Variants in LRRC1 observed in about 807,000 individuals in gnomAD.
The protein encoded by LRRC1 is leucine rich repeat containing 1, also known as leucine-rich repeat-containing protein 1.
A neutral mutation model predicts 69.9 loss-of-function variants in LRRC1; 28 were observed. The ratio of observed to expected loss-of-function variants is 0.40; its 90% CI spans 0.30 to 0.55. LRRC1 has a LOEUF of 0.55. Ranked by LOEUF, LRRC1 falls within the 20% of genes least tolerant of loss-of-function variation. The pLI is 0.47. For missense variants in LRRC1, 498 were observed against 609.0 expected, an observed-to-expected ratio of 0.82 and a Z score of 1.92; for synonymous variants, 236 against 240.2, an observed-to-expected ratio of 0.98 and a Z score of 0.16.
At chr6:53,799,968 C>T (rs1442102874) in intron 1 of LRRC1, among the ~76,000 whole-genome samples, 3 of 152,144 alleles carry the variant, frequency 2.0e-5, no homozygotes, top group East Asian at 1.9e-4. Context: ...TTATGTTGTG[C>T]GTTGCTGGTT....
chr6:53,856,336 G>T (rs76843514), intron 2 of LRRC1, among the ~76,000 whole-genome samples: 28,405 of 152,176 alleles, frequency 0.19, 2,914 homozygotes, highest in Middle Eastern at 0.33. Context: ...TAGGCCAGAA[G>T]GGTGGAAGGA....
intron 1 of LRRC1, among the ~76,000 whole-genome samples, chr6:53,823,856 G>GTA (rs1158415180): frequency 6.6e-6 from 1 of 152,156 alleles, no homozygotes; most frequent in Non-Finnish European, 1.5e-5. Context: ...ATTCCATGCT[G>GTA]TATATATACC....
chr6:53,868,932 G>A (rs1766793743), intron 2 of LRRC1, among the ~76,000 whole-genome samples: 1 of 152,052 alleles, frequency 6.6e-6, no homozygotes, highest in Non-Finnish European at 1.5e-5. Flanking sequence ...GTCCTTCTTT[G>A]TCTAGCTTCC....
Position 53,922,838 on chromosome 6 carries a change from G to A in LRRC1, c.*45G>A, listed in dbSNP as rs372849124. The A allele has an allele frequency of 1.0e-4, 166 of 1,584,230 alleles. No individual in the cohort carries two copies. The highest frequency in any genetic ancestry group is 1.4e-4 in the Non-Finnish European group (162 of 1,160,750). On this transcript the variant is annotated 3_prime_UTR_variant, in exon 14 of 14. Transcript: ENST00000370888. ...ACCTCCTGTGTCTTCCTCTGCTGTCGAGACGTTCCTGTCTGCTTCCCGGGA... is the reference window on the plus strand; with the variant it reads ...ACCTCCTGTGTCTTCCTCTGCTGTCAAGACGTTCCTGTCTGCTTCCCGGGA...
In LRRC1 at chr6:53,920,694, G is replaced by A. The variant is rs772725155; in HGVS notation, c.1349G>A (p.Arg450His). Residue 450 changes from arginine to histidine, a missense_variant, in exon 13 of 14, where the codon CGT becomes CAT. Around this residue, in one of 3 missense-constraint regions of LRRC1, gnomAD observed 162 missense variants for 162.9 expected, o/e 0.99. Coordinates refer to ENST00000370888, the MANE Select transcript of LRRC1 (RefSeq NM_018214.5). ...GTCTCTGATGAAGCCTGGAACGAGC[G>A]TGCTGTCAACAGAGTCAGTGCGATC... ...NDVSDEAWNE[R>H]AVNRVSAIRF... 1.9e-5 allele frequency: 31 copies of A among 1,613,980 alleles called. No individual in the cohort carries two copies. The highest frequency in any genetic ancestry group is 1.6e-4 in the Middle Eastern group (1 of 6,084).
At position 53,842,995 on chromosome 6, in the gene LRRC1, C is replaced by T. The variant is rs75596434; in HGVS notation, c.277+768C>T. Among the ~76,000 whole-genome samples, 30 of 152,244 alleles carry T rather than the reference C, an allele frequency of 2.0e-4. No homozygotes were observed. In the East Asian group the frequency reaches 5.2e-3, roughly 26 times the overall value. On this transcript the variant is annotated intron_variant, in intron 2 of 13. Coordinates refer to ENST00000370888, the MANE Select transcript of LRRC1 (RefSeq NM_018214.5). ...CCTTGGTTTAACCCTCAGTTTTATA[C>T]CCCTTAGAGTGCTTCCCAAATGGGC... is the stretch of plus-strand genomic sequence containing the variant.
At chr6:53,800,670 C>T (rs1764454623) in intron 1 of LRRC1, among the ~76,000 whole-genome samples, 1 of 151,272 alleles carries the variant, frequency 6.6e-6, no homozygotes, top group Non-Finnish European at 1.5e-5. Context: ...GACGGAATCT[C>T]ACTCTGTCGC....
chr6:53,920,532 C>T (rs190535221), intron 12 of LRRC1, 93 bp from the exon 13 acceptor site: 101 of 1,429,400 alleles, frequency 7.1e-5, no homozygotes, highest in African/African-American at 6.0e-4. Flanking sequence ...CCTGGTCCTC[C>T]GTATAGATTC....
intron 4 of LRRC1, among the ~76,000 whole-genome samples, chr6:53,888,446 T>C (rs1363002917): frequency 2.0e-5 from 3 of 152,192 alleles, no homozygotes; most frequent in Non-Finnish European, 2.9e-5. Context: ...TTGAAAGATT[T>C]AAAGAAGACT....
intron 1 of LRRC1, among the ~76,000 whole-genome samples, chr6:53,797,582 GT>G (rs139841641): frequency 0.013 from 2,020 of 152,234 alleles, 47 homozygotes; most frequent in African/African-American, 0.047. Flanking sequence ...AAGCGCATCT[GT>G]TTTGTTCACA....
At chr6:53,888,531 A>T (rs1457756717) in intron 4 of LRRC1, among the ~76,000 whole-genome samples, 1 of 152,338 alleles carries the variant, frequency 6.6e-6, no homozygotes, top group East Asian at 1.9e-4. Context: ...CGACAAGTCG[A>T]TCTACAGACT....
At chr6:53,835,460 C>T (rs1765586980) in intron 1 of LRRC1, among the ~76,000 whole-genome samples, 1 of 152,118 alleles carries the variant, frequency 6.6e-6, no homozygotes, top group Non-Finnish European at 1.5e-5. Context: ...AGTGATTCAC[C>T]CAGAGATATT....
rs146917621 is a variant in LRRC1 at position 53,795,305 on chromosome 6, A to G, written c.49A>G (p.Ile17Val). 6.2e-7 allele frequency: 1 copy of G among 1,613,356 alleles called. No individual in the cohort carries two copies. Among genetic ancestry groups the G allele is most frequent in the South Asian group, 1.1e-5 (1 of 91,018 alleles). Reference sequence around the variant, plus strand: ...GCGGTGCAACCGTCATGTGGAGAGCATCGACAAGCGCCACTGCTCGCTGGT... The same window carrying G: ...GCGGTGCAACCGTCATGTGGAGAGCGTCGACAAGCGCCACTGCTCGCTGGT... ...LWRCNRHVES[I>V]DKRHCSLVYV... Residue 17 changes from isoleucine (I) to valine (V), a missense_variant, in exon 1 of 14, where the codon ATC (isoleucine) becomes GTC (valine). Ile to Val is a conservative substitution (Grantham distance 29). Coordinates refer to ENST00000370888, the MANE Select transcript of LRRC1 (RefSeq NM_018214.5).
At chr6:53,830,227 G>C (rs1187828306) in intron 1 of LRRC1, among the ~76,000 whole-genome samples, 6 of 152,198 alleles carry the variant, frequency 3.9e-5, no homozygotes, top group Admixed American at 3.9e-4. Context: ...AAAATAAAAT[G>C]TAAAGACTGT....
At chr6:53,858,894 T>C (rs1766405777) in intron 2 of LRRC1, among the ~76,000 whole-genome samples, 1 of 152,150 alleles carries the variant, frequency 6.6e-6, no homozygotes, top group Non-Finnish European at 1.5e-5. Context: ...TTATAAGATG[T>C]AATATTTGTA....
chr6:53,873,094 C>G (rs922953084), intron 2 of LRRC1, among the ~76,000 whole-genome samples: 7 of 151,924 alleles, frequency 4.6e-5, no homozygotes, highest in African/African-American at 1.7e-4. Flanking sequence ...CACAGTATAT[C>G]TTTCCATTTA....
At chr6:53,822,563 C>T (rs905996286) in intron 1 of LRRC1, among the ~76,000 whole-genome samples, 1 of 152,178 alleles carries the variant, frequency 6.6e-6, no homozygotes, top group African/African-American at 2.4e-5. Flanking sequence ...TTCCAGTGCT[C>T]ATATAGTTGC....
chr6:53,820,504 C>T (rs528425858), intron 1 of LRRC1, among the ~76,000 whole-genome samples: 6 of 150,838 alleles, frequency 4.0e-5, no homozygotes, highest in Admixed American at 2.7e-4. Flanking sequence ...CTGCATCATA[C>T]TCTCCGACAA....
chr6:53,800,175 A>G (rs555023746), intron 1 of LRRC1, among the ~76,000 whole-genome samples: 3 of 151,826 alleles, frequency 2.0e-5, no homozygotes, highest in East Asian at 3.9e-4. Context: ...GCACAGAGTT[A>G]GCTCTCAGAT....
Sources: gnomAD v4.1 joint callset for allele counts (sites outside exome capture counted in the v4.1 genomes callset) on GRCh38, gnomAD v4.1.1 for gene constraint, gnomAD v4.1.1 regional missense constraint, MANE v1.5 for transcripts, NCBI Gene and HGNC (gene_info 2026-07-23, HGNC 2026-07-21) for gene names.